CACNA2D3: variants seen among roughly 807,000 people sequenced by gnomAD.
The protein encoded by CACNA2D3 is calcium voltage-gated channel auxiliary subunit alpha2delta 3.
CACNA2D3 carries 60 observed loss-of-function variants against 160.6 expected under a neutral mutation model. That is an observed-to-expected ratio of 0.37 (90% CI 0.30 to 0.46). The LOEUF (loss-of-function observed/expected upper bound fraction) is 0.46. CACNA2D3 is among the 20% of genes least tolerant of loss of function. CACNA2D3 has a pLI of 1.00. For missense variants in CACNA2D3, 1,205 were observed against 1,365.0 expected (o/e 0.88, Z 1.85); for synonymous variants, 558 against 492.9 (o/e 1.13, Z -1.75).
At chr3:54,394,318 ATT>A (rs34291779) in intron 4 of CACNA2D3, among the ~76,000 whole-genome samples, 4 of 139,308 alleles carry the variant, frequency 2.9e-5, no homozygotes, top group East Asian at 2.1e-4. Flanking sequence ...GAGAGTGAAC[ATT>A]TTTTTTTTTT....
chr3:54,783,618 A>G (rs1432384004), intron 13 of CACNA2D3, among the ~76,000 whole-genome samples: 1 of 151,588 alleles, frequency 6.6e-6, no homozygotes, highest in Non-Finnish European at 1.5e-5. Context: ...ATAAATAAAT[A>G]AATAAATAAA....
chr3:54,852,385 C>T (rs1238207825), intron 17 of CACNA2D3, among the ~76,000 whole-genome samples: 1 of 152,232 alleles, frequency 6.6e-6, no homozygotes, highest in East Asian at 1.9e-4. Flanking sequence ...GCACTTAGGT[C>T]ATCTAAATCA....
chr3:54,268,288 C>T (rs1336469225), intron 2 of CACNA2D3, among the ~76,000 whole-genome samples: 2 of 152,178 alleles, frequency 1.3e-5, no homozygotes, highest in African/African-American at 4.8e-5. Flanking sequence ...CTGCTGATAC[C>T]ATGTCCAGTG....
intron 34 of CACNA2D3, among the ~76,000 whole-genome samples, chr3:55,013,038 A>C (rs1703244694): frequency 1.3e-5 from 2 of 152,226 alleles, no homozygotes; most frequent in African/African-American, 4.8e-5. Context: ...TCATTTCAGC[A>C]TGTCCTCTGA....
intron 4 of CACNA2D3, among the ~76,000 whole-genome samples, chr3:54,412,607 G>GTTTTTTTTTTTTTTTT (rs1342144952): frequency 2.5e-5 from 1 of 40,430 alleles, no homozygotes; most frequent in African/African-American, 7.3e-5. Context: ...TTCTGGTCTT[G>GTTTTTTTTTTTTTTTT]TTCTTTTTTT....
chr3:54,352,547 TAAC>T (rs1281634339), intron 3 of CACNA2D3, among the ~76,000 whole-genome samples: 2 of 152,186 alleles, frequency 1.3e-5, no homozygotes, highest in Non-Finnish European at 2.9e-5. Context: ...GTCACAGACA[TAAC>T]AGCAGCAGCT....
At chr3:54,631,626 A>T (rs1699240076) in intron 10 of CACNA2D3, among the ~76,000 whole-genome samples, 1 of 152,238 alleles carries the variant, frequency 6.6e-6, no homozygotes, top group African/African-American at 2.4e-5. Context: ...AATGGAGTTT[A>T]TTCTGTTTTA....
rs182330798 is a variant in CACNA2D3, at chr3:54,627,763, G to A, written c.964-24G>A. 4.6e-6 allele frequency: 7 copies of A among 1,530,076 alleles called. No individual in the cohort carries two copies. In the East Asian group the frequency reaches 1.6e-4, roughly 35 times the overall value. The allele number at this position is 1,530,076 out of a possible 1,614,324, so 94.8% of individuals were successfully genotyped here. A position where few individuals can be genotyped will look rare whatever the true frequency, so the allele number is the denominator to read the frequency against. The stretch of plus-strand genomic sequence containing the variant: ...TTCACATAACAGGACAGACACTAAT[G>A]GATTTTCTGCTTTGCTGTTTCAGCA... On this transcript the variant is annotated intron_variant, in intron 9 of 37. Coordinates refer to ENST00000474759, the MANE Select transcript of CACNA2D3 (RefSeq NM_018398.3).
intron 4 of CACNA2D3, among the ~76,000 whole-genome samples, chr3:54,454,016 C>G (rs796836012): frequency 6.6e-6 from 1 of 152,130 alleles, no homozygotes; most frequent in African/African-American, 2.4e-5. Context: ...TCTGGGCAGG[C>G]TAGCACTGAT....
chr3:54,782,708 A>G (rs1381700856), intron 13 of CACNA2D3, among the ~76,000 whole-genome samples: 4 of 152,168 alleles, frequency 2.6e-5, no homozygotes, highest in Admixed American at 6.5e-5. Context: ...AAAGAAAAAA[A>G]AAAGTCTACT....
intron 27 of CACNA2D3, among the ~76,000 whole-genome samples, chr3:54,923,856 A>G (rs923995045): frequency 1.2e-4 from 18 of 152,180 alleles, no homozygotes; most frequent in African/African-American, 3.9e-4. Context: ...TTTTCTGTAA[A>G]GGGCCAGATA....
intron 3 of CACNA2D3, among the ~76,000 whole-genome samples, chr3:54,351,073 C>G (rs1252259524): frequency 6.8e-6 from 1 of 146,060 alleles, no homozygotes; most frequent in African/African-American, 2.5e-5. Context: ...CCTCCACCTC[C>G]TGGGCTCAAG....
intron 5 of CACNA2D3, among the ~76,000 whole-genome samples, chr3:54,543,810 T>C (rs1031408318): frequency 1.3e-5 from 2 of 152,268 alleles, no homozygotes; most frequent in South Asian, 4.1e-4. Context: ...AATTTGCAGT[T>C]GAGGGTCCTC....
chr3:54,853,506 A>T (rs982449217), intron 17 of CACNA2D3, among the ~76,000 whole-genome samples: 5 of 152,268 alleles, frequency 3.3e-5, no homozygotes, highest in South Asian at 2.1e-4. Context: ...TTTTCTTTTC[A>T]TCCCTCCCTA....
intron 2 of CACNA2D3, among the ~76,000 whole-genome samples, chr3:54,217,269 G>A (rs553255632): frequency 2.0e-5 from 3 of 152,244 alleles, no homozygotes; most frequent in Non-Finnish European, 4.4e-5. Flanking sequence ...GCTGGCTTGG[G>A]AGCCTCTGCC....
intron 27 of CACNA2D3, among the ~76,000 whole-genome samples, chr3:54,966,378 C>T (rs1215478415): frequency 6.6e-6 from 1 of 152,212 alleles, no homozygotes; most frequent in Non-Finnish European, 1.5e-5. Flanking sequence ...TTCAGGCATT[C>T]TCTGAAATGT....
intron 2 of CACNA2D3, among the ~76,000 whole-genome samples, chr3:54,199,544 A>AT (rs1320476922): frequency 1.0e-4 from 15 of 150,074 alleles, no homozygotes; most frequent in South Asian, 4.2e-4. Context: ...TAATTTTTTT[A>AT]TTTTTTTTTG....
chr3:54,583,986 T>C (rs577411834), intron 9 of CACNA2D3, among the ~76,000 whole-genome samples: 1 of 151,942 alleles, frequency 6.6e-6, no homozygotes, highest in African/African-American at 2.4e-5. Context: ...ACACTTTTTC[T>C]ACTCCAGCTG....
chr3:54,372,491 T>A, intron 3 of CACNA2D3, among the ~76,000 whole-genome samples: 1 of 152,118 alleles, frequency 6.6e-6, no homozygotes, highest in Non-Finnish European at 1.5e-5. Flanking sequence ...ATGCACGGGG[T>A]ACAGGTGAGC....
Sources: allele counts gnomAD v4.1 joint callset (sites outside exome capture counted in the v4.1 genomes callset), GRCh38; gene constraint gnomAD v4.1.1; transcripts MANE v1.5; gene names NCBI Gene and HGNC (gene_info 2026-07-23, HGNC 2026-07-21).